Variants in TOX observed in about 807,000 individuals in gnomAD.
TOX encodes the protein thymocyte selection-associated high mobility group box protein TOX.
A neutral mutation model predicts 53.7 loss-of-function variants in TOX; 11 were observed. The ratio of observed to expected loss-of-function variants is 0.20; its 90% confidence interval spans 0.13 to 0.34. TOX has a LOEUF of 0.34. Among genes scored for constraint, TOX ranks in the 10% least tolerant of loss-of-function variants. TOX has a pLI of 1.00. For synonymous variants in TOX, 225 were observed against 245.3 expected (o/e 0.92, Z 0.77); for missense variants, 570 against 664.6 (o/e 0.86, Z 1.56).
intron 1 of TOX, among the ~76,000 whole-genome samples, chr8:59,049,789 T>A (rs1803756068): frequency 6.6e-6 from 1 of 152,214 alleles, no homozygotes; most frequent in African/African-American, 2.4e-5. Context: ...CTTCTATGGA[T>A]CACAGAGTGC....
chr8:58,833,532 G>C (rs1810498619), intron 5 of TOX, among the ~76,000 whole-genome samples: 1 of 152,080 alleles, frequency 6.6e-6, no homozygotes, highest in Admixed American at 6.5e-5. Context: ...AGATGCTGAG[G>C]GTTGCTCAAA....
intron 1 of TOX, among the ~76,000 whole-genome samples, chr8:58,965,816 T>C (rs1436409393): frequency 6.6e-6 from 1 of 151,860 alleles, no homozygotes; most frequent in Non-Finnish European, 1.5e-5. Flanking sequence ...TAATAAATCA[T>C]TTTTAGAGAG....
intron 1 of TOX, among the ~76,000 whole-genome samples, chr8:58,970,360 A>T (rs748537997): frequency 6.6e-6 from 1 of 152,134 alleles, no homozygotes; most frequent in Non-Finnish European, 1.5e-5. Flanking sequence ...ATCTGCCTAA[A>T]ATACTTCTCC....
At chr8:58,934,730 C>T (rs1812315883) in intron 3 of TOX, among the ~76,000 whole-genome samples, 1 of 152,090 alleles carries the variant, frequency 6.6e-6, no homozygotes, top group Non-Finnish European at 1.5e-5. Context: ...GAAAGTCTTC[C>T]TTCCCATGCA....
At chr8:58,821,296 C>T (rs1810271464) in intron 6 of TOX, among the ~76,000 whole-genome samples, 1 of 151,594 alleles carries the variant, frequency 6.6e-6, no homozygotes, top group Non-Finnish European at 1.5e-5. Context: ...CAAATCTTTC[C>T]CCCCTCCTTT....
At chr8:59,116,765 G>A (rs1456262645) in intron 1 of TOX, among the ~76,000 whole-genome samples, 1 of 152,100 alleles carries the variant, frequency 6.6e-6, no homozygotes, top group Admixed American at 6.5e-5. Context: ...TAGAAGACTC[G>A]CAACTAGTCT....
chr8:59,073,365 C>G (rs1194417577), intron 1 of TOX, among the ~76,000 whole-genome samples: 1 of 152,004 alleles, frequency 6.6e-6, no homozygotes, highest in Non-Finnish European at 1.5e-5. Flanking sequence ...TAAAAACCAC[C>G]AGGAAAACTT....
intron 1 of TOX, among the ~76,000 whole-genome samples, chr8:59,076,208 C>T (rs911884767): frequency 5.3e-5 from 8 of 152,060 alleles, no homozygotes; most frequent in South Asian, 2.1e-4. Flanking sequence ...ACCCCTGAGA[C>T]GGTAAGATAG....
rs78213110 is a variant in TOX at position 58,815,853 on chromosome 8, A to T, written c.1006-129T>A. The stretch of plus-strand genomic sequence containing the variant: ...ACCCATGACTATCCCGGACTCTCTG[A>T]TCTAAGAATTTCTTCACCATTATTT... On this transcript the variant is annotated intron_variant, in intron 6 of 8. Transcript: ENST00000361421. The T allele has an allele frequency of 1.0e-3, 1,021 of 1,000,728 alleles. 11 individuals are homozygous for T. The African/African-American group carries it at 0.015, about 15-fold the overall frequency. The allele number at this position is 1,000,728 out of a possible 1,614,324, so 62.0% of individuals were successfully genotyped here. A position where few individuals can be genotyped will look rare whatever the true frequency, so the allele number is the denominator to read the frequency against.
chr8:58,879,483 A>G (rs944781843), intron 3 of TOX, among the ~76,000 whole-genome samples: 1 of 152,138 alleles, frequency 6.6e-6, no homozygotes, highest in Non-Finnish European at 1.5e-5. Context: ...CCCAAAAGAA[A>G]TCACCTAATT....
At chr8:59,043,079 C>T (rs1803621255) in intron 1 of TOX, among the ~76,000 whole-genome samples, 1 of 152,076 alleles carries the variant, frequency 6.6e-6, no homozygotes, top group African/African-American at 2.4e-5. Flanking sequence ...TTAACCAAAA[C>T]TCCCCATCCT....
chr8:58,812,470 C>T (rs538714607), intron 7 of TOX, among the ~76,000 whole-genome samples: 4 of 152,242 alleles, frequency 2.6e-5, no homozygotes, highest in East Asian at 1.9e-4. Flanking sequence ...TCTGTGGGAA[C>T]GTCCTCCACA....
At chr8:59,094,252 G>A (rs1804673054) in intron 1 of TOX, among the ~76,000 whole-genome samples, 1 of 152,160 alleles carries the variant, frequency 6.6e-6, no homozygotes, top group Non-Finnish European at 1.5e-5. Context: ...GAGAAAGTAG[G>A]AATGTTTTGA....
chr8:59,091,257 G>A (rs1804602133), intron 1 of TOX, among the ~76,000 whole-genome samples: 1 of 152,076 alleles, frequency 6.6e-6, no homozygotes, highest in African/African-American at 2.4e-5. Context: ...TGCCAATAAT[G>A]TCCATAGTGA....
rs35861451 is a variant in TOX at position 58,942,053 on chromosome 8, CAA to C, written c.169-2511_169-2510del. Among the ~76,000 whole-genome samples, 107 of 106,284 alleles carry C rather than the reference CAA, an allele frequency of 1.0e-3. 1 individual carries two copies. Among genetic ancestry groups the C allele is most frequent in the Middle Eastern group, 6.0e-3 (1 of 166 alleles). The allele number at this position is 106,284 out of a possible 152,430, so 69.7% of individuals were successfully genotyped here. A position where few individuals can be genotyped will look rare whatever the true frequency, so the allele number is the denominator to read the frequency against. On this transcript the variant is annotated intron_variant, in intron 2 of 8. Transcript: ENST00000361421. ...GGGGTGACAGAGCAAGACTCTGTCT[CAA>C]AAAAAAAAAAAAAAAGAGAAAAGAG...
intron 1 of TOX, among the ~76,000 whole-genome samples, chr8:58,983,378 C>T (rs1008088933): frequency 6.6e-6 from 1 of 152,188 alleles, no homozygotes; most frequent in Non-Finnish European, 1.5e-5. Context: ...AATGTTGATG[C>T]TGCTGGTCCA....
chr8:58,988,818 G>A (rs145280599), intron 1 of TOX, among the ~76,000 whole-genome samples: 2 of 152,302 alleles, frequency 1.3e-5, no homozygotes, highest in African/African-American at 4.8e-5. Context: ...GACTTATGGT[G>A]TACATGCCTA....
At chr8:58,913,136 C>T (rs1811933074) in intron 3 of TOX, among the ~76,000 whole-genome samples, 1 of 152,150 alleles carries the variant, frequency 6.6e-6, no homozygotes, top group Non-Finnish European at 1.5e-5. Flanking sequence ...TATACAACTT[C>T]TCCCCTTCAC....
intron 8 of TOX, 55 bp downstream of exon 8, chr8:58,808,063 G>T (rs1395624236): frequency 1.2e-5 from 18 of 1,563,060 alleles, no homozygotes; most frequent in Admixed American, 3.8e-5. Context: ...AACTAGGGAC[G>T]ATATGCATGC....
Sources: gnomAD v4.1 joint callset for allele counts (sites outside exome capture counted in the v4.1 genomes callset) on GRCh38, gnomAD v4.1.1 for gene constraint, MANE v1.5 for transcripts, NCBI Gene and HGNC (gene_info 2026-07-23, HGNC 2026-07-21) for gene names.